The following CTNNBL1 variants were observed in gnomAD, a reference collection of about 807,000 sequenced individuals.
CTNNBL1 encodes catenin beta like 1, also known as beta-catenin-like protein 1.
Under a neutral mutation model 72.7 loss-of-function variants are expected in CTNNBL1, and 31 were observed. The observed-to-expected ratio is 0.43, with a 90% CI of 0.32 to 0.58. The LOEUF is 0.58. Among genes scored for constraint, CTNNBL1 ranks in the 20% least tolerant of loss-of-function variants. The probability of loss-of-function intolerance (pLI) is 0.08; values close to 1 mark genes in which losing one functional copy is unlikely to be tolerated. For missense variants in CTNNBL1, 534 were observed against 725.1 expected (o/e 0.74, Z 3.03); for synonymous variants, 240 against 267.3 (o/e 0.90, Z 1.00).
intron 10 of CTNNBL1, among the ~76,000 whole-genome samples, chr20:37,791,921 C>T (rs1198669967): frequency 1.3e-5 from 2 of 152,208 alleles, no homozygotes; most frequent in East Asian, 1.9e-4. Flanking sequence ...GTAAGACCTA[C>T]ACATCTTACA....
chr20:37,854,904 T>C (rs2072426159), intron 13 of CTNNBL1, among the ~76,000 whole-genome samples: 1 of 152,020 alleles, frequency 6.6e-6, no homozygotes, highest in South Asian at 2.1e-4. Context: ...TCTCAATATT[T>C]CTGAGAAGTA....
At chr20:37,770,698 T>G (rs774905325) in intron 7 of CTNNBL1, among the ~76,000 whole-genome samples, 2 of 152,212 alleles carry the variant, frequency 1.3e-5, no homozygotes, top group African/African-American at 2.4e-5. Context: ...AGGCACTGCA[T>G]TGATGTAATC....
At chr20:37,697,098 G>T (rs965520651) in intron 1 of CTNNBL1, among the ~76,000 whole-genome samples, 1 of 151,932 alleles carries the variant, frequency 6.6e-6, no homozygotes, top group Non-Finnish European at 1.5e-5. Context: ...CAGGAGAATT[G>T]CTTGAACCTG....
At chr20:37,864,930 C>G (rs1013690777) in intron 15 of CTNNBL1, among the ~76,000 whole-genome samples, 1 of 152,136 alleles carries the variant, frequency 6.6e-6, no homozygotes, top group Non-Finnish European at 1.5e-5. Context: ...GTCATTACCT[C>G]TGGTCCTCAC....
intron 10 of CTNNBL1, among the ~76,000 whole-genome samples, chr20:37,786,530 A>G (rs2073675695): frequency 6.6e-6 from 1 of 152,214 alleles, no homozygotes; most frequent in Non-Finnish European, 1.5e-5. Flanking sequence ...TTTGATATAA[A>G]TATGCATATG....
At chr20:37,842,536 T>C in intron 13 of CTNNBL1, 117 bp downstream of exon 13, 1 of 721,238 alleles carries the variant, frequency 1.4e-6, no homozygotes, top group Non-Finnish European at 2.5e-6. Context: ...TAACATGTTA[T>C]AGAAGTAGAG....
intron 11 of CTNNBL1, among the ~76,000 whole-genome samples, chr20:37,818,213 T>C (rs958546794): frequency 6.6e-6 from 1 of 152,194 alleles, no homozygotes; most frequent in Non-Finnish European, 1.5e-5. Context: ...AAGGTTTAGA[T>C]CCTGGGAGAC....
intron 5 of CTNNBL1, among the ~76,000 whole-genome samples, chr20:37,762,778 C>CT (rs1568769010): frequency 6.6e-6 from 1 of 152,178 alleles, no homozygotes; most frequent in Non-Finnish European, 1.5e-5. Flanking sequence ...ATTTTGACTG[C>CT]TTTTGGCCTT....
At chr20:37,759,072 A>G (rs2073391879) in intron 5 of CTNNBL1, among the ~76,000 whole-genome samples, 1 of 152,274 alleles carries the variant, frequency 6.6e-6, no homozygotes, top group South Asian at 2.1e-4. Flanking sequence ...AGTGTCCAGC[A>G]GGGCCATTTA....
chr20:37,701,977 G>A (rs904550647), intron 1 of CTNNBL1, among the ~76,000 whole-genome samples: 6 of 152,258 alleles, frequency 3.9e-5, no homozygotes, highest in African/African-American at 1.4e-4. Flanking sequence ...TCGTACGCAC[G>A]TGGAATGAAT....
At chr20:37,765,829 G>C (rs949687671) in intron 6 of CTNNBL1, among the ~76,000 whole-genome samples, 8 of 152,056 alleles carry the variant, frequency 5.3e-5, no homozygotes, top group Non-Finnish European at 1.5e-5. Context: ...CATTTAAGTG[G>C]ATTCCTCTGT....
chr20:37,791,904 A>G (rs2073729110), intron 10 of CTNNBL1, among the ~76,000 whole-genome samples: 1 of 152,136 alleles, frequency 6.6e-6, no homozygotes, highest in Non-Finnish European at 1.5e-5. Context: ...ACACTGATTT[A>G]TATCATGTAA....
At chr20:37,762,882 C>T (rs1019137768) in intron 5 of CTNNBL1, among the ~76,000 whole-genome samples, 2 of 152,142 alleles carry the variant, frequency 1.3e-5, no homozygotes, top group African/African-American at 4.8e-5. Flanking sequence ...GTTGGATTTC[C>T]GTAGCAAGAA....
chr20:37,837,339 C>T (rs532103611), intron 11 of CTNNBL1, among the ~76,000 whole-genome samples: 1 of 152,152 alleles, frequency 6.6e-6, no homozygotes, highest in African/African-American at 2.4e-5. Context: ...CTACGGCAGA[C>T]GGAGGTTACA....
At chr20:37,863,183 G>T (rs1297496058) in intron 15 of CTNNBL1, among the ~76,000 whole-genome samples, 2 of 152,188 alleles carry the variant, frequency 1.3e-5, no homozygotes, top group South Asian at 2.1e-4. Context: ...GCTGTGCTAT[G>T]GAGGTGTCAC....
At chr20:37,719,164 G>A (rs991594796) in intron 1 of CTNNBL1, among the ~76,000 whole-genome samples, 2 of 152,204 alleles carry the variant, frequency 1.3e-5, no homozygotes, top group African/African-American at 4.8e-5. Flanking sequence ...ATTCAGAAGA[G>A]ATGAATTCTG....
intron 1 of CTNNBL1, among the ~76,000 whole-genome samples, chr20:37,705,451 A>G (rs1884635): frequency 0.32 from 48,962 of 152,020 alleles, 8,059 homozygotes; most frequent in African/African-American, 0.35. Context: ...CGCATGCTAC[A>G]GCAACATGGC....
intron 11 of CTNNBL1, among the ~76,000 whole-genome samples, chr20:37,807,782 A>G (rs2071972638): frequency 6.6e-6 from 1 of 152,196 alleles, no homozygotes; most frequent in African/African-American, 2.4e-5. Context: ...TGGGTTGGAA[A>G]GAAATGATTT....
chr20:37,787,337 C>CTG (rs1414478570), intron 10 of CTNNBL1, among the ~76,000 whole-genome samples: 16 of 132,218 alleles, frequency 1.2e-4, no homozygotes, highest in African/African-American at 3.0e-4. Flanking sequence ...AGACACATAA[C>CTG]TGTGTGTTTT....
Sources: gnomAD v4.1 joint callset for allele counts (sites outside exome capture counted in the v4.1 genomes callset) on GRCh38, gnomAD v4.1.1 for gene constraint, MANE v1.5 for transcripts, NCBI Gene and HGNC (gene_info 2026-07-23, HGNC 2026-07-21) for gene names.